The following ABCA12 variants were observed in gnomAD, a reference collection of about 807,000 sequenced individuals.
ABCA12 encodes ATP binding cassette subfamily A member 12.
ABCA12 carries 156 observed loss-of-function variants against 293.5 expected under a neutral mutation model. The observed-to-expected ratio is 0.53, with a 90% CI of 0.47 to 0.61. ABCA12 has a LOEUF of 0.61. Among genes scored for constraint, ABCA12 ranks in the 20% least tolerant of loss-of-function variants. ABCA12 has a pLI of 0.00. For synonymous variants in ABCA12, 1,063 were observed against 1,108.0 expected, an observed-to-expected ratio of 0.96 and a Z score of 0.81; for missense variants, 2,797 against 3,090.2, an observed-to-expected ratio of 0.91 and a Z score of 2.25.
At chr2:215,111,479 T>G (rs1387460349) in intron 2 of ABCA12, 118 bp downstream of exon 2, 1 of 708,672 alleles carries the variant, frequency 1.4e-6, no homozygotes, top group Admixed American at 2.5e-5. Flanking sequence ...ATATTAATCC[T>G]TCCAAGTGAA....
chr2:214,960,255 T>G (rs1699076097), intron 39 of ABCA12: 1 of 152,124 alleles, frequency 6.6e-6, no homozygotes, highest in African/African-American at 2.4e-5. Context: ...AGGGATATAC[T>G]TTTCTTATCT....
intron 2 of ABCA12, among the ~76,000 whole-genome samples, chr2:215,076,216 C>T (rs1203877700): frequency 6.6e-6 from 1 of 152,162 alleles, no homozygotes; most frequent in African/African-American, 2.4e-5. Context: ...TGACCCGTGG[C>T]TTGCTTTGTA....
intron 15 of ABCA12, among the ~76,000 whole-genome samples, chr2:215,014,932 A>G (rs1244586238): frequency 6.6e-6 from 1 of 152,194 alleles, no homozygotes; most frequent in Non-Finnish European, 1.5e-5. Context: ...GTAAATAAGT[A>G]CTCATAGAGC....
At chr2:214,997,583 A>T in intron 23 of ABCA12, 112 bp downstream of exon 23, 1 of 764,144 alleles carries the variant, frequency 1.3e-6, no homozygotes, top group Non-Finnish European at 2.1e-6. Context: ...CTTTCTGTTT[A>T]ATTCACAAGG....
At chr2:215,073,578 C>T (rs952534914) in intron 2 of ABCA12, among the ~76,000 whole-genome samples, 14 of 152,146 alleles carry the variant, frequency 9.2e-5, no homozygotes, top group Non-Finnish European at 8.8e-5. Context: ...CCGCCCCCAC[C>T]GAGATATTCT....
chr2:215,015,988 C>A (rs548992333), intron 14 of ABCA12, among the ~76,000 whole-genome samples: 4 of 151,186 alleles, frequency 2.6e-5, no homozygotes, highest in South Asian at 2.1e-4. Flanking sequence ...ACTAAAGATA[C>A]AATAAATTAG....
intron 13 of ABCA12, 36 bp from the exon 14 acceptor site, chr2:215,018,168 T>C (rs904276896): frequency 4.0e-5 from 64 of 1,598,776 alleles, no homozygotes; most frequent in Non-Finnish European, 5.4e-5. Flanking sequence ...AAACCCATGT[T>C]GGTTTGTCAG....
chr2:215,091,063 C>T (rs1702131985), intron 2 of ABCA12, among the ~76,000 whole-genome samples: 3 of 152,082 alleles, frequency 2.0e-5, no homozygotes, highest in Non-Finnish European at 4.4e-5. Context: ...TGCCTGACGT[C>T]CAGGCATTCT....
intron 39 of ABCA12, among the ~76,000 whole-genome samples, chr2:214,959,951 A>C (rs1178335095): frequency 6.6e-6 from 1 of 152,066 alleles, no homozygotes; most frequent in South Asian, 2.1e-4. Context: ...AAAGCTCCTA[A>C]ATACTTGTTC....
At chr2:215,075,216 G>A (rs751068792) in intron 2 of ABCA12, among the ~76,000 whole-genome samples, 20 of 152,092 alleles carry the variant, frequency 1.3e-4, no homozygotes, top group Middle Eastern at 3.4e-3. Context: ...TTCTCCCTTC[G>A]ACACTTCTAA....
intron 3 of ABCA12, among the ~76,000 whole-genome samples, chr2:215,061,876 G>A (rs1701534878): frequency 6.6e-6 from 1 of 152,026 alleles, no homozygotes; most frequent in Non-Finnish European, 1.5e-5. Context: ...GAATTTGGTT[G>A]TCTATAATAT....
chr2:215,112,338 T>G (rs1356534657), intron 1 of ABCA12, among the ~76,000 whole-genome samples: 1 of 143,954 alleles, frequency 6.9e-6, no homozygotes, highest in Non-Finnish European at 1.5e-5. Context: ...CAATGATTTT[T>G]TTTTTTTTTT....
At chr2:215,100,681 A>G (rs1702340155) in intron 2 of ABCA12, among the ~76,000 whole-genome samples, 1 of 152,144 alleles carries the variant, frequency 6.6e-6, no homozygotes, top group South Asian at 2.1e-4. Context: ...TTACAATTCC[A>G]TCGTAAGCAA....
At chr2:214,960,693 A>G (rs1415515941) in intron 39 of ABCA12, 1 of 152,270 alleles carries the variant, frequency 6.6e-6, no homozygotes, top group Non-Finnish European at 1.5e-5. Context: ...ATGTCTCTAC[A>G]GTTATAAACC....
chr2:214,971,141 T>G (rs1179020007), intron 36 of ABCA12, among the ~76,000 whole-genome samples: 1 of 152,164 alleles, frequency 6.6e-6, no homozygotes, highest in Non-Finnish European at 1.5e-5. Flanking sequence ...CTTCTCATGC[T>G]TCATTGCAAT....
rs1701936551 is a variant in ABCA12 at position 215,081,485 on chromosome 2, A to AG, written c.164-17267_164-17266insC. On this transcript the variant is annotated intron_variant, in intron 2 of 52. Coordinates refer to ENST00000272895, the MANE Select transcript of ABCA12 (RefSeq NM_173076.3). Reference sequence around the variant, plus strand: ...CAAAGCAAGACTCTGTCTCAAAAAAAAAAAAAAGAAAAAGAAAAAAGAAAA... The same window carrying AG: ...CAAAGCAAGACTCTGTCTCAAAAAAAGAAAAAAAGAAAAAGAAAAAAGAAAA... 1.3e-4 allele frequency among the ~76,000 whole-genome samples: 13 copies of AG among 98,850 alleles called. 3 individuals carry two copies. In the South Asian group the frequency reaches 5.4e-3, roughly 41 times the overall value. 64.8% of individuals were successfully genotyped at this position (98,850 alleles called of 152,430 possible).
chr2:215,061,960 A>G (rs747372212), intron 3 of ABCA12, among the ~76,000 whole-genome samples: 13 of 152,166 alleles, frequency 8.5e-5, no homozygotes, highest in Admixed American at 8.5e-4. Flanking sequence ...TGTCCCTTAT[A>G]GTTCTTTGTA....
rs769063187 is a variant in ABCA12 at position 214,986,700 on chromosome 2, G to A, written c.4005C>T (p.Ile1335=). 4.3e-6 allele frequency: 7 copies of A among 1,613,930 alleles called. No individual in the cohort carries two copies. The highest frequency in any genetic ancestry group is 2.2e-5 in the East Asian group (1 of 44,888). Residue 1335 remains isoleucine (I), a synonymous_variant, in exon 28 of 53, where the codon ATC becomes ATT. Transcript: ENST00000272895. ...ASPEYMFSSN[I]EPEPKDLTVG... ...CTGTGAGATCTTTAGGTTCAGGCTC[G>A]ATGTTAGAGGAAAACATGTATTCAG...
intron 1 of ABCA12, among the ~76,000 whole-genome samples, chr2:215,136,007 C>A (rs73990506): frequency 2.0e-5 from 3 of 152,064 alleles, no homozygotes; most frequent in African/African-American, 7.2e-5. Flanking sequence ...TCTCTTGTCC[C>A]TCTGGTTGGT....
Sources: gnomAD v4.1 joint callset for allele counts (sites outside exome capture counted in the v4.1 genomes callset) on GRCh38, gnomAD v4.1.1 for gene constraint, MANE v1.5 for transcripts, NCBI Gene and HGNC (gene_info 2026-07-23, HGNC 2026-07-21) for gene names.